The following GALNT17 variants were observed in gnomAD, a reference collection of about 807,000 sequenced individuals.
GALNT17 encodes UDP-GalNAc:polypeptide N-acetylgalactosaminyltransferase-like 3.
Under a neutral mutation model 63.7 loss-of-function variants are expected in GALNT17, and 29 were observed. That is an observed-to-expected ratio of 0.46 (90% CI 0.34 to 0.62). The LOEUF is 0.62. GALNT17 is among the 20% of genes least tolerant of loss of function. The pLI, the probability that GALNT17 is intolerant of heterozygous loss-of-function variation, is 0.01. For synonymous variants in GALNT17, 305 were observed against 318.3 expected (o/e 0.96, Z 0.45); for missense variants, 603 against 799.6 (o/e 0.75, Z 2.97).
intron 5 of GALNT17, among the ~76,000 whole-genome samples, chr7:71,532,849 T>G (rs1788743411): frequency 6.6e-6 from 1 of 152,228 alleles, no homozygotes; most frequent in African/African-American, 2.4e-5. Context: ...ATTTCTGAGC[T>G]TCTCCCAGTA....
chr7:71,199,148 T>C (rs548164210), intron 1 of GALNT17, among the ~76,000 whole-genome samples: 2 of 152,318 alleles, frequency 1.3e-5, no homozygotes, highest in African/African-American at 4.8e-5. Context: ...TTCACTGCGC[T>C]GCATGTCCTT....
chr7:71,398,455 A>G (rs191966682), intron 3 of GALNT17, among the ~76,000 whole-genome samples: 1 of 152,004 alleles, frequency 6.6e-6, no homozygotes, highest in African/African-American at 2.4e-5. Flanking sequence ...TTTATAACAT[A>G]TTGTCCTTTT....
chr7:71,328,636 A>AAAATACC (rs1412969352), intron 1 of GALNT17, among the ~76,000 whole-genome samples: 5 of 145,710 alleles, frequency 3.4e-5, no homozygotes, highest in Non-Finnish European at 6.0e-5. Context: ...TAAGCACGTT[A>AAAATACC]AAATACCAGT....
chr7:71,541,488 G>C (rs1287054514), intron 5 of GALNT17, among the ~76,000 whole-genome samples: 1 of 152,104 alleles, frequency 6.6e-6, no homozygotes, highest in Non-Finnish European at 1.5e-5. Context: ...AGGAGGCGGA[G>C]GTTGCAGTGA....
intron 6 of GALNT17, among the ~76,000 whole-genome samples, chr7:71,587,563 G>T (rs1374209199): frequency 6.6e-6 from 1 of 151,776 alleles, no homozygotes; most frequent in Non-Finnish European, 1.5e-5. Context: ...ACTGTCTGTG[G>T]CTTGTCTGTT....
At chr7:71,441,411 C>T (rs1392619606) in intron 5 of GALNT17, among the ~76,000 whole-genome samples, 2 of 152,160 alleles carry the variant, frequency 1.3e-5, no homozygotes, top group Admixed American at 6.5e-5. Flanking sequence ...GTTAACCACC[C>T]GGACACCATT....
At chr7:71,558,588 C>G (rs925413887) in intron 5 of GALNT17, among the ~76,000 whole-genome samples, 1 of 152,082 alleles carries the variant, frequency 6.6e-6, no homozygotes, top group African/African-American at 2.4e-5. Context: ...GATAGCTAAC[C>G]AGACACTTTA....
intron 1 of GALNT17, among the ~76,000 whole-genome samples, chr7:71,305,059 C>T (rs1791264535): frequency 6.6e-6 from 1 of 152,210 alleles, no homozygotes; most frequent in African/African-American, 2.4e-5. Flanking sequence ...GCAATTCTTT[C>T]TGTGTAAGGA....
At chr7:71,134,777 C>T (rs943690600) in intron 1 of GALNT17, among the ~76,000 whole-genome samples, 21 of 150,472 alleles carry the variant, frequency 1.4e-4, no homozygotes, top group African/African-American at 4.6e-4. Context: ...CCTGGTTTCC[C>T]TCATCAGGCT....
At chr7:71,457,651 TA>T in intron 5 of GALNT17, among the ~76,000 whole-genome samples, 1 of 152,312 alleles carries the variant, frequency 6.6e-6, no homozygotes, top group Middle Eastern at 3.4e-3. Context: ...ATGGCATTTG[TA>T]AACTGCAGTG....
chr7:71,415,979 TC>T lies in GALNT17; in HGVS notation c.682del (p.Arg228AlafsTer43). The T allele has an allele frequency of 6.2e-7, 1 of 1,613,916 alleles. No homozygotes were observed. The highest frequency in any genetic ancestry group is 8.5e-7 in the Non-Finnish European group (1 of 1,179,906). The stretch of plus-strand genomic sequence containing the variant: ...AGAAATCAGAAGAGGGAAGGCCTGA[TC>T]CGCGCTCGCATTGAGGGCTGGAAGG... ...VVRNQKREGLIRARIEGWKVA... is the reference protein window; with the variant it reads ...VVRNQKREGLXRARIEGWKVA... On this transcript the variant is annotated frameshift_variant, in exon 4 of 11. Transcript: ENST00000333538. LOFTEE classifies it high-confidence loss of function.
intron 5 of GALNT17, among the ~76,000 whole-genome samples, chr7:71,452,400 G>C (rs781179577): frequency 1.3e-5 from 2 of 152,020 alleles, no homozygotes; most frequent in African/African-American, 4.8e-5. Flanking sequence ...ACAAAAATTA[G>C]GCAGGCATGG....
At chr7:71,671,354 T>G (rs1368897424) in intron 8 of GALNT17, among the ~76,000 whole-genome samples, 2 of 152,182 alleles carry the variant, frequency 1.3e-5, no homozygotes, top group Non-Finnish European at 2.9e-5. Flanking sequence ...ACTACCAGGT[T>G]AAAGCTAAGA....
intron 1 of GALNT17, among the ~76,000 whole-genome samples, chr7:71,211,597 A>G (rs1789379156): frequency 6.6e-6 from 1 of 152,230 alleles, no homozygotes. Flanking sequence ...TGGAGGGCTC[A>G]GAAGAAGATA....
At chr7:71,364,159 C>T (rs1212855492) in intron 2 of GALNT17, among the ~76,000 whole-genome samples, 2 of 152,142 alleles carry the variant, frequency 1.3e-5, no homozygotes, top group African/African-American at 4.8e-5. Context: ...CACCTCCCCT[C>T]CCACTTTTAC....
At chr7:71,230,258 CAGAA>C (rs897178993) in intron 1 of GALNT17, among the ~76,000 whole-genome samples, 1 of 152,006 alleles carries the variant, frequency 6.6e-6, no homozygotes, top group Admixed American at 6.6e-5. Flanking sequence ...CCTCAAGAAA[CAGAA>C]AGCCAACTAA....
chr7:71,152,007 A>G (rs1320263463), intron 1 of GALNT17, among the ~76,000 whole-genome samples: 1 of 152,214 alleles, frequency 6.6e-6, no homozygotes, highest in African/African-American at 2.4e-5. Flanking sequence ...CACAAGATAA[A>G]AATGGAGTTC....
At chr7:71,603,874 A>G (rs988291205) in intron 6 of GALNT17, among the ~76,000 whole-genome samples, 1 of 151,820 alleles carries the variant, frequency 6.6e-6, no homozygotes, top group Admixed American at 6.6e-5. Flanking sequence ...TGCTAAGTGC[A>G]TACACCAGGT....
chr7:71,440,798 A>G (rs1037165963), intron 5 of GALNT17, among the ~76,000 whole-genome samples: 3 of 152,146 alleles, frequency 2.0e-5, no homozygotes, highest in Non-Finnish European at 2.9e-5. Context: ...AAACCCAAAC[A>G]GCCTTTTTTG....
Sources: gnomAD v4.1 joint callset for allele counts (sites outside exome capture counted in the v4.1 genomes callset) on GRCh38, gnomAD v4.1.1 for gene constraint, MANE v1.5 for transcripts, NCBI Gene and HGNC (gene_info 2026-07-23, HGNC 2026-07-21) for gene names.